Variants in ANO5 observed in about 807,000 individuals in gnomAD.
ANO5 encodes the protein anoctamin-5.
ANO5 carries 109 observed loss-of-function variants against 121.0 expected under a neutral mutation model. That is an observed-to-expected ratio of 0.90 (90% confidence interval 0.77 to 1.06). The LOEUF (loss-of-function observed/expected upper bound fraction) is 1.06. Among genes scored for constraint, ANO5 ranks in the 50% least tolerant of loss-of-function variants. The pLI is 0.00. For synonymous variants in ANO5, 406 were observed against 359.9 expected (o/e 1.13, Z -1.45); for missense variants, 1,064 against 1,078.5 (o/e 0.99, Z 0.19).
upstream of ANO5, chr11:22,192,998 G>A (rs1048822838): frequency 5.1e-6 from 5 of 985,224 alleles, no homozygotes; most frequent in African/African-American, 8.7e-5. Flanking sequence ...TGGGGCGCCG[G>A]CCGGTCTTGC....
At chr11:22,219,739 G>T (rs778353177) in intron 4 of ANO5, among the ~76,000 whole-genome samples, 4 of 151,918 alleles carry the variant, frequency 2.6e-5, no homozygotes, top group African/African-American at 4.8e-5. Flanking sequence ...TATAATCAAA[G>T]TATAGTGTGA....
At chr11:22,269,197 A>T (rs1854487233) in intron 17 of ANO5, among the ~76,000 whole-genome samples, 1 of 140,610 alleles carries the variant, frequency 7.1e-6, no homozygotes, top group African/African-American at 2.9e-5. Flanking sequence ...AGGGAAGGGA[A>T]GGGAAGAGAA....
chr11:22,213,795 T>C (rs74341725), intron 3 of ANO5, among the ~76,000 whole-genome samples: 2,696 of 152,156 alleles, frequency 0.018, 78 homozygotes, highest in African/African-American at 0.061. Context: ...TGTGTACTTA[T>C]GGATATTTAT....
chr11:22,200,906 A>G (rs1851946007), intron 1 of ANO5, among the ~76,000 whole-genome samples: 1 of 152,078 alleles, frequency 6.6e-6, no homozygotes, highest in Non-Finnish European at 1.5e-5. Context: ...TGGGTGTGTT[A>G]TGTATGTGTG....
intron 1 of ANO5, among the ~76,000 whole-genome samples, chr11:22,200,064 G>T (rs1323247582): frequency 6.6e-6 from 1 of 152,062 alleles, no homozygotes; most frequent in Non-Finnish European, 1.5e-5. Flanking sequence ...GAGTTATACA[G>T]ATCTTCCAAA....
At chr11:22,252,081 C>T (rs997044068) in intron 12 of ANO5, among the ~76,000 whole-genome samples, 35 of 96,092 alleles carry the variant, frequency 3.6e-4, no homozygotes, top group Non-Finnish European at 6.2e-4. Flanking sequence ...CTGCATTATC[C>T]AGTCAAATAA....
At chr11:22,258,520 T>C (rs1854076565) in intron 14 of ANO5, among the ~76,000 whole-genome samples, 1 of 152,192 alleles carries the variant, frequency 6.6e-6, no homozygotes, top group African/African-American at 2.4e-5. Context: ...TAGAATAAAA[T>C]TCTCTAATGA....
At chr11:22,242,063 A>G (rs550044967) in intron 9 of ANO5, among the ~76,000 whole-genome samples, 21 of 152,206 alleles carry the variant, frequency 1.4e-4, no homozygotes, top group Middle Eastern at 3.4e-3. Flanking sequence ...TTATTTTTCT[A>G]TATGGTGAAA....
chr11:22,278,538 T>G (rs1211579990), intron 21 of ANO5, among the ~76,000 whole-genome samples: 3 of 151,352 alleles, frequency 2.0e-5, no homozygotes, highest in African/African-American at 4.8e-5. Flanking sequence ...TCCTTTTTTT[T>G]TTTTTTTCCA....
In ANO5 at chr11:22,203,807, A is replaced by G. The variant is rs886042647; in HGVS notation, c.44A>G (p.Glu15Gly). 1.4e-5 allele frequency: 20 copies of G among 1,463,448 alleles called. No homozygotes were observed. The highest frequency in any genetic ancestry group is 4.2e-5 in the African/African-American group (3 of 71,692). 90.7% of individuals were successfully genotyped at this position (1,463,448 alleles called of 1,614,324 possible). A position where few individuals can be genotyped will look rare whatever the true frequency, so the allele number is the denominator to read the frequency against. Residue 15 changes from glutamate to glycine, a missense_variant, in exon 2 of 22, where the codon GAA becomes GGA. Transcript: ENST00000324559. ...DLLEVLAEEG[E>G]KVNKHIDYSF... ...TTCTCTTTCTTATTTAATTTAGGGG[A>G]AAAAGTCAATAAGCATATAGACTAC...
rs145016644 is a variant in ANO5, at chr11:22,211,465, C to T, written c.138+151C>T. 16 of 967,722 alleles carry T rather than the reference C, an allele frequency of 1.7e-5. No homozygotes were observed. In the African/African-American group the frequency reaches 2.6e-4, roughly 16 times the overall value. The allele number at this position is 967,722 out of a possible 1,614,324, so 59.9% of individuals were successfully genotyped here. ...ATATATTACTTTAGAAAAAAAAAAT[C>T]AGTTTCTTTAGGTGGGGGGAAAACA... is the stretch of plus-strand genomic sequence containing the variant. On this transcript the variant is annotated intron_variant, in intron 3 of 21. Coordinates refer to ENST00000324559, the MANE Select transcript of ANO5 (RefSeq NM_213599.3).
intron 3 of ANO5, among the ~76,000 whole-genome samples, chr11:22,216,443 A>G (rs1487043328): frequency 6.6e-6 from 1 of 151,798 alleles, no homozygotes; most frequent in Admixed American, 6.6e-5. Flanking sequence ...TTCTTTTTTA[A>G]ATAATGATGT....
chr11:22,257,708 C>A lies in ANO5; in HGVS notation c.1361C>A (p.Thr454Lys), dbSNP rs148698633. Residue 454 changes from threonine (T) to lysine (K), a missense_variant, in exon 14 of 22, where the codon ACG (threonine) becomes AAG (lysine). Transcript: ENST00000324559. The stretch of plus-strand genomic sequence containing the variant: ...ATGGAACCTTACATGCCTCTATACA[C>A]GCGTATTCCATGGTACTTTCTTTCA... Reference protein sequence around the residue: ...KEMEPYMPLYTRIPWYFLSGA... With the variant: ...KEMEPYMPLYKRIPWYFLSGA... 1 of 1,612,336 alleles carries A rather than the reference C, an allele frequency of 6.2e-7. No homozygotes were observed. Among genetic ancestry groups the A allele is most frequent in the Non-Finnish European group, 8.5e-7 (1 of 1,178,736 alleles).
At chr11:22,221,998 C>G (rs1409719558) in intron 5 of ANO5, among the ~76,000 whole-genome samples, 1 of 151,976 alleles carries the variant, frequency 6.6e-6, no homozygotes, top group African/African-American at 2.4e-5. Context: ...AATTCATGAC[C>G]CATCATCATT....
At chr11:22,233,940 G>A (rs12574283) in intron 7 of ANO5, among the ~76,000 whole-genome samples, 84,658 of 151,930 alleles carry the variant, frequency 0.56, 26,567 homozygotes, top group Non-Finnish European at 0.71. Context: ...CCACCGCTTG[G>A]TAGCCATTGC....
intron 13 of ANO5, among the ~76,000 whole-genome samples, chr11:22,257,459 C>A (rs180860357): frequency 1.4e-4 from 21 of 152,120 alleles, no homozygotes; most frequent in Admixed American, 5.9e-4. Flanking sequence ...TTGTGTGTAT[C>A]CATTATGTTT....
At chr11:22,261,864 G>A (rs1160758639) in intron 15 of ANO5, among the ~76,000 whole-genome samples, 2 of 152,188 alleles carry the variant, frequency 1.3e-5, no homozygotes, top group African/African-American at 4.8e-5. Context: ...CAAATTCTGT[G>A]TAACCCCAAG....
At position 22,279,881 on chromosome 11, in the gene ANO5, T is replaced by A. The variant is rs955156283; in HGVS notation, c.*116T>A. 8 of 904,048 alleles carry A rather than the reference T, an allele frequency of 8.8e-6. No individual in the cohort carries two copies. The African/African-American group carries it at 1.4e-4, about 16-fold the overall frequency. The allele number at this position is 904,048 out of a possible 1,614,324, so 56.0% of individuals were successfully genotyped here. On this transcript the variant is annotated 3_prime_UTR_variant, in exon 22 of 22. Coordinates refer to ENST00000324559, the MANE Select transcript of ANO5 (RefSeq NM_213599.3). ...TACCCTTTCTTTTTTTTTTTTTTCTTTTTTTTTTTAAACTCAAAGTTTTTA... is the reference window on the plus strand; with the variant it reads ...TACCCTTTCTTTTTTTTTTTTTTCTATTTTTTTTTAAACTCAAAGTTTTTA...
At chr11:22,227,224 A>G in intron 6 of ANO5, 78 bp from the exon 7 acceptor site, 9 of 1,548,882 alleles carry the variant, frequency 5.8e-6, no homozygotes, top group Non-Finnish European at 7.1e-6. Context: ...TTTATAAAAT[A>G]TTATCCATCT....
Sources: allele counts gnomAD v4.1 joint callset (sites outside exome capture counted in the v4.1 genomes callset), GRCh38; gene constraint gnomAD v4.1.1; transcripts MANE v1.5; gene names NCBI Gene and HGNC (gene_info 2026-07-23, HGNC 2026-07-21).